GALNT13: variants seen among roughly 807,000 people sequenced by gnomAD.
The protein encoded by GALNT13 is UDP-GalNAc:polypeptide N-acetylgalactosaminyltransferase 13.
GALNT13 carries 28 observed loss-of-function variants against 64.2 expected under a neutral mutation model. The ratio of observed to expected loss-of-function variants is 0.44; its 90% confidence interval spans 0.32 to 0.60. The LOEUF (loss-of-function observed/expected upper bound fraction) is 0.60, where lower values mean the gene tolerates loss of function less well. Ranked by LOEUF, GALNT13 falls within the 20% of genes least tolerant of loss-of-function variation. The pLI is 0.05. For synonymous variants in GALNT13, 214 were observed against 224.6 expected (o/e 0.95, Z 0.42); for missense variants, 577 against 669.8 (o/e 0.86, Z 1.53).
the GALNT13 span, among the ~76,000 whole-genome samples, chr2:153,539,265 T>A: frequency 1.3e-5 from 2 of 152,172 alleles, no homozygotes; most frequent in Non-Finnish European, 2.9e-5. Context: ...TAAATTTGTT[T>A]GAGTTCATTG....
At chr2:154,137,289 T>A (rs545284991) in intron 3 of GALNT13, among the ~76,000 whole-genome samples, 2 of 149,498 alleles carry the variant, frequency 1.3e-5, no homozygotes, top group Non-Finnish European at 3.0e-5. Flanking sequence ...TAGGCCTGCT[T>A]ATACACAGGC....
the GALNT13 span, among the ~76,000 whole-genome samples, chr2:153,843,961 G>A: frequency 6.6e-6 from 1 of 152,288 alleles, no homozygotes; most frequent in East Asian, 1.9e-4. Flanking sequence ...CTTTGCAGGG[G>A]CACCCTGTAA....
chr2:153,136,068 A>T, the GALNT13 span, among the ~76,000 whole-genome samples: 7 of 152,040 alleles, frequency 4.6e-5, no homozygotes, highest in Admixed American at 3.3e-4. Flanking sequence ...TTGAAAGCTG[A>T]ATTTACAAAG....
At chr2:153,444,631 T>G in the GALNT13 span, among the ~76,000 whole-genome samples, 1 of 152,184 alleles carries the variant, frequency 6.6e-6, no homozygotes, top group Non-Finnish European at 1.5e-5. Flanking sequence ...AAAATATAAA[T>G]CTTTGAAGTA....
the GALNT13 span, among the ~76,000 whole-genome samples, chr2:153,839,295 A>G: frequency 1.9e-4 from 29 of 151,898 alleles, no homozygotes; most frequent in Admixed American, 3.3e-4. Flanking sequence ...CTAGTACTAT[A>G]TTGAATAGAA....
At chr2:153,503,926 G>C in the GALNT13 span, among the ~76,000 whole-genome samples, 1 of 151,972 alleles carries the variant, frequency 6.6e-6, no homozygotes, top group African/African-American at 2.4e-5. Flanking sequence ...GAGGAATAAT[G>C]GTGGTATATT....
At chr2:153,093,630 G>T in the GALNT13 span, among the ~76,000 whole-genome samples, 1 of 152,168 alleles carries the variant, frequency 6.6e-6, no homozygotes, top group African/African-American at 2.4e-5. Context: ...ACATTGGCCA[G>T]TAGTTTTCTT....
chr2:153,493,899 C>T, the GALNT13 span, among the ~76,000 whole-genome samples: 1 of 151,628 alleles, frequency 6.6e-6, no homozygotes, highest in Admixed American at 6.6e-5. Context: ...AGAGGAATAC[C>T]TGAGATTAGG....
At chr2:153,890,036 T>G in intron 1 of GALNT13, among the ~76,000 whole-genome samples, 1 of 151,772 alleles carries the variant, frequency 6.6e-6, no homozygotes, top group African/African-American at 2.4e-5. Flanking sequence ...AATTGTTCTC[T>G]CATTCTTGCT....
chr2:154,303,362 C>A (rs1693553910), intron 9 of GALNT13, among the ~76,000 whole-genome samples: 1 of 152,014 alleles, frequency 6.6e-6, no homozygotes, highest in Non-Finnish European at 1.5e-5. Context: ...CCACCCCACC[C>A]TAATCTTATT....
the GALNT13 span, among the ~76,000 whole-genome samples, chr2:153,156,429 T>A: frequency 3.3e-5 from 5 of 152,180 alleles, no homozygotes; most frequent in South Asian, 4.1e-4. Flanking sequence ...ACAATGGTAA[T>A]CTTTGATTAC....
At chr2:153,919,265 T>G (rs1689597173) in intron 2 of GALNT13, among the ~76,000 whole-genome samples, 3 of 152,002 alleles carry the variant, frequency 2.0e-5, no homozygotes, top group African/African-American at 7.2e-5. Context: ...CAATTTCCAT[T>G]GACTTGCTGA....
the GALNT13 span, among the ~76,000 whole-genome samples, chr2:153,465,724 G>A: frequency 1.3e-5 from 2 of 151,808 alleles, no homozygotes; most frequent in Non-Finnish European, 2.9e-5. Flanking sequence ...TTAAATAATC[G>A]CAAAGCCATT....
the GALNT13 span, among the ~76,000 whole-genome samples, chr2:153,526,133 C>A: frequency 6.6e-6 from 1 of 152,362 alleles, no homozygotes; most frequent in East Asian, 1.9e-4. Flanking sequence ...GAGCTCATCA[C>A]CCTGAAGTGA....
the GALNT13 span, among the ~76,000 whole-genome samples, chr2:153,461,495 A>G: frequency 6.6e-6 from 1 of 152,048 alleles, no homozygotes; most frequent in Non-Finnish European, 1.5e-5. Flanking sequence ...ATGAGTTTGA[A>G]TATTTAAAAG....
At chr2:154,392,374 A>G (rs983281161) in intron 9 of GALNT13, among the ~76,000 whole-genome samples, 10 of 152,222 alleles carry the variant, frequency 6.6e-5, no homozygotes, top group African/African-American at 2.4e-4. Flanking sequence ...TTGATCAACA[A>G]GAAACAGGTG....
chr2:153,330,149 A>T, the GALNT13 span, among the ~76,000 whole-genome samples: 670 of 152,264 alleles, frequency 4.4e-3, 3 homozygotes, highest in African/African-American at 0.015. Flanking sequence ...CTGTTTTTGT[A>T]CCAGCCAACT....
chr2:153,987,497 A>G (rs756077153), intron 3 of GALNT13, among the ~76,000 whole-genome samples: 1 of 151,952 alleles, frequency 6.6e-6, no homozygotes, highest in East Asian at 1.9e-4. Flanking sequence ...TCACGCTTCA[A>G]TGGGAGAGAT....
chr2:153,328,721 GTGGATCTTAGCATGT>G, the GALNT13 span, among the ~76,000 whole-genome samples: 2 of 152,154 alleles, frequency 1.3e-5, no homozygotes, highest in Admixed American at 1.3e-4. Context: ...TGGCAAGCTG[GTGGATCTTAGCATGT>G]TGGGCTCCAT....
Sources: gnomAD v4.1 joint callset for allele counts (sites outside exome capture counted in the v4.1 genomes callset) on GRCh38, gnomAD v4.1.1 for gene constraint, MANE v1.5 for transcripts, NCBI Gene and HGNC (gene_info 2026-07-23, HGNC 2026-07-21) for gene names.